APOOL: variants seen among roughly 807,000 people sequenced by gnomAD.
APOOL encodes the protein MICOS complex subunit MIC27.
Under a neutral mutation model 23.1 loss-of-function variants are expected in APOOL, and 12 were observed. That is an observed-to-expected ratio of 0.52 (90% confidence interval 0.33 to 0.84). The LOEUF (loss-of-function observed/expected upper bound fraction) is 0.84, where lower values mean the gene tolerates loss of function less well. Ranked by LOEUF, APOOL falls within the 40% of genes least tolerant of loss-of-function variation. The pLI, the probability that APOOL is intolerant of heterozygous loss-of-function variation, is 0.02. For synonymous variants in APOOL, 77 were observed against 69.9 expected, an observed-to-expected ratio of 1.10 and a Z score of -0.51; for missense variants, 212 against 199.6, an observed-to-expected ratio of 1.06 and a Z score of -0.37.
chrX:85,053,985 A>G (rs912051716), intron 3 of APOOL, among the ~76,000 whole-genome samples: 19 of 111,382 alleles, frequency 1.7e-4, no homozygotes, highest in Admixed American at 3.8e-4. Flanking sequence ...TATTAATCAG[A>G]TGTTGCTTCT....
intron 1 of APOOL, chrX:85,046,191 C>T (rs1369785606): frequency 4.3e-6 from 1 of 230,819 alleles, no homozygotes; most frequent in Non-Finnish European, 7.7e-6. Context: ...TAATAATATT[C>T]CAGATAAATA....
rs756859672 is a variant in APOOL at position 85,046,450 on chromosome X, G to A, written c.20G>A (p.Gly7Glu). 1.7e-6 allele frequency: 2 copies of A among 1,200,934 alleles called. No individual in the cohort carries two copies. Among genetic ancestry groups the A allele is most frequent in the Admixed American group, 4.5e-5 (2 of 44,007 alleles). Residue 7 changes from glycine (G) to glutamate (E), a missense_variant, in exon 2 of 9, where the codon GGA (glycine) becomes GAA (glutamate). Gly to Glu is a moderately conservative substitution (Grantham distance 98). Transcript: ENST00000373173. ...TTTTTGATATATCTTTCTTAGATGG[G>A]AAAACTGACAACCATGCCTGCAGGT... MAAIRM[G>E]KLTTMPAGLI...
chrX:85,055,800 A>G, intron 4 of APOOL, 27 bp from the exon 5 acceptor site: 1 of 1,061,174 alleles, frequency 9.4e-7, no homozygotes, highest in Non-Finnish European at 1.3e-6. Context: ...TCAGTTATTC[A>G]TGTTAATTTT....
At chrX:85,060,979 C>T (rs934491038) in intron 5 of APOOL, among the ~76,000 whole-genome samples, 6 of 111,367 alleles carry the variant, frequency 5.4e-5, no homozygotes, top group African/African-American at 2.0e-4. Flanking sequence ...GGGAATGCTT[C>T]CAGTTTTTGC....
At chrX:85,056,353 A>T (rs1455252761) in intron 5 of APOOL, among the ~76,000 whole-genome samples, 1 of 111,636 alleles carries the variant, frequency 9.0e-6, no homozygotes, top group Non-Finnish European at 1.9e-5. Flanking sequence ...CTCTCAAGAA[A>T]TTTTTTCAGT....
intron 1 of APOOL, among the ~76,000 whole-genome samples, chrX:85,032,850 A>G (rs1922087877): frequency 8.9e-6 from 1 of 112,005 alleles, no homozygotes; most frequent in Admixed American, 9.5e-5. Flanking sequence ...CTAGAGCTCT[A>G]ATTTTGATGA....
chrX:85,063,375 C>T (rs754019132), intron 5 of APOOL, among the ~76,000 whole-genome samples: 1 of 111,164 alleles, frequency 9.0e-6, no homozygotes, highest in Non-Finnish European at 1.9e-5. Context: ...TGCCTAATTG[C>T]CCTGGCAAGA....
chrX:85,039,881 G>A (rs189810351), intron 1 of APOOL, among the ~76,000 whole-genome samples: 2 of 111,859 alleles, frequency 1.8e-5, no homozygotes, highest in Admixed American at 1.9e-4. Flanking sequence ...TTCAAATGGG[G>A]CATTTAGCCT....
In APOOL at chrX:85,085,623, C is replaced by A. The variant is rs746853403; in HGVS notation, c.719-1967C>A. 2.1e-4 allele frequency among the ~76,000 whole-genome samples: 24 copies of A among 111,871 alleles called. No homozygotes were observed. In the East Asian group the frequency reaches 5.9e-3, roughly 27 times the overall value. Reference sequence around the variant, plus strand: ...AAACTGGAAATTAAATTCTTTTATGCAGAAAAGGTATGGTTCCCAAATGTA... The same window carrying A: ...AAACTGGAAATTAAATTCTTTTATGAAGAAAAGGTATGGTTCCCAAATGTA... On this transcript the variant is annotated intron_variant, in intron 8 of 8. Coordinates refer to ENST00000373173, the MANE Select transcript of APOOL (RefSeq NM_198450.6).
chrX:85,091,525 T>C lies in APOOL; in HGVS notation c.*3847T>C, dbSNP rs1199901318. 1.8e-5 allele frequency: 2 copies of C among 112,219 alleles called. No individual in the cohort carries two copies. Among genetic ancestry groups the C allele is most frequent in the Non-Finnish European group, 3.8e-5 (2 of 53,258 alleles). The allele number at this position is 112,219 out of a possible 1,213,427, so 9.2% of individuals were successfully genotyped here. ...GTAGTTTCTATGCCCATGAAGTGCC[T>C]GGTAGGTAGTAGGAACTCACACGTT... On this transcript the variant is annotated 3_prime_UTR_variant, in exon 9 of 9. Transcript: ENST00000373173.
chrX:85,064,535 CTT>C (rs1036216238), intron 5 of APOOL, among the ~76,000 whole-genome samples: 1 of 110,391 alleles, frequency 9.1e-6, no homozygotes, highest in Non-Finnish European at 1.9e-5. Context: ...AAATTTCCCT[CTT>C]AACGCCACTT....
chrX:85,054,383 G>A lies in APOOL; in HGVS notation c.280G>A (p.Val94Ile), dbSNP rs1210368187. Residue 94 changes from valine to isoleucine, a missense_variant, in exon 4 of 9, where the codon GTA (valine) becomes ATA (isoleucine). Physicochemically the swap from Val to Ile is conservative, Grantham distance 29 (BLOSUM62 3). Coordinates refer to ENST00000373173, the MANE Select transcript of APOOL (RefSeq NM_198450.6). Reference sequence around the variant, plus strand: ...TGTGAAAAATGGGATAATGGATACAGTACAATTTGGAAAAGGTAGGTGAGT... The same window carrying A: ...TGTGAAAAATGGGATAATGGATACAATACAATTTGGAAAAGGTAGGTGAGT... ...VFVKNGIMDT[V>I]QFGKDAYVYL... 1 of 1,186,779 alleles carries A rather than the reference G, an allele frequency of 8.4e-7. No homozygotes were observed. Among genetic ancestry groups the A allele is most frequent in the Non-Finnish European group, 1.1e-6 (1 of 881,612 alleles).
At position 85,092,613 on chromosome X, in the gene APOOL, C is replaced by T. The variant is rs746891121; in HGVS notation, c.*4935C>T. The T allele has an allele frequency of 1.9e-5, 20 of 1,061,332 alleles. No individual in the cohort carries two copies. In the African/African-American group the frequency reaches 2.6e-4, roughly 14 times the overall value. 87.5% of individuals were successfully genotyped at this position (1,061,332 alleles called of 1,213,427 possible). On this transcript the variant is annotated 3_prime_UTR_variant, in exon 9 of 9. Coordinates refer to ENST00000373173, the MANE Select transcript of APOOL (RefSeq NM_198450.6). ...TACTTTCATTTGAAAGTATAATCTT[C>T]GTTAACACATATATTTTATTGAAGG... is the stretch of plus-strand genomic sequence containing the variant.
chrX:85,057,336 G>A (rs927047229), intron 5 of APOOL, among the ~76,000 whole-genome samples: 4 of 109,112 alleles, frequency 3.7e-5, no homozygotes, highest in Non-Finnish European at 7.6e-5. Context: ...GCTCTGAGCC[G>A]GTCTGGAATC....
At chrX:85,006,877 A>G (rs1185876406) in intron 1 of APOOL, among the ~76,000 whole-genome samples, 1 of 111,985 alleles carries the variant, frequency 8.9e-6, no homozygotes, top group African/African-American at 3.2e-5. Context: ...ATCACATGGT[A>G]TGAGTCCTGA....
intron 1 of APOOL, among the ~76,000 whole-genome samples, chrX:85,022,904 G>A (rs1921719727): frequency 9.0e-6 from 1 of 111,431 alleles, no homozygotes; most frequent in Admixed American, 9.5e-5. Flanking sequence ...GGGTCACAGG[G>A]CCAGATCCCC....
intron 1 of APOOL, among the ~76,000 whole-genome samples, chrX:85,004,378 T>A (rs780424949): frequency 8.9e-5 from 10 of 112,201 alleles, no homozygotes; most frequent in Admixed American, 4.7e-4. Context: ...GGTCCCATAG[T>A]CTTTCAGCAG....
At chrX:85,036,387 A>C (rs1602753520) in intron 1 of APOOL, among the ~76,000 whole-genome samples, 1 of 111,957 alleles carries the variant, frequency 8.9e-6, no homozygotes. Context: ...GACAGAGACT[A>C]TGGGGTTTTC....
Position 85,092,460 on chromosome X carries a change from G to C in APOOL, c.*4782G>C, listed in dbSNP as rs1437798243. 2 of 1,204,561 alleles carry C rather than the reference G, an allele frequency of 1.7e-6. No individual in the cohort carries two copies. The highest frequency in any genetic ancestry group is 2.3e-4 in the Middle Eastern group (1 of 4,343). The stretch of plus-strand genomic sequence containing the variant: ...TGAAGAGATGCCAGCCCTCCTCAGA[G>C]GAAAGGTCTAAAGCCCCTCGACTAG... On this transcript the variant is annotated 3_prime_UTR_variant, in exon 9 of 9. Transcript: ENST00000373173.
Sources: allele counts gnomAD v4.1 joint callset (sites outside exome capture counted in the v4.1 genomes callset), GRCh38; gene constraint gnomAD v4.1.1; transcripts MANE v1.5; gene names NCBI Gene and HGNC (gene_info 2026-07-23, HGNC 2026-07-21).